TMTC4: variants seen among roughly 807,000 people sequenced by gnomAD.
TMTC4 encodes protein O-mannosyl-transferase TMTC4.
Under a neutral mutation model 86.0 loss-of-function variants are expected in TMTC4, and 65 were observed. The observed-to-expected ratio is 0.76, with a 90% CI of 0.62 to 0.93. The LOEUF is 0.93. Among genes scored for constraint, TMTC4 ranks in the 40% least tolerant of loss-of-function variants. The pLI is 0.00. For synonymous variants in TMTC4, 379 were observed against 382.5 expected, an observed-to-expected ratio of 0.99 and a Z score of 0.11; for missense variants, 866 against 948.1, an observed-to-expected ratio of 0.91 and a Z score of 1.14.
At chr13:100,612,337 T>G in intron 17 of TMTC4, 61 bp downstream of exon 17, 1 of 1,290,434 alleles carries the variant, frequency 7.7e-7, no homozygotes, top group Non-Finnish European at 1.1e-6. Context: ...GAAGTAACAC[T>G]TACGTCTTCT....
intron 5 of TMTC4, among the ~76,000 whole-genome samples, chr13:100,659,098 C>A (rs1452441480): frequency 1.3e-5 from 2 of 152,144 alleles, no homozygotes; most frequent in East Asian, 3.9e-4. Context: ...GAAATCACTG[C>A]AATCCCTCTG....
In TMTC4 at chr13:100,614,311, T is replaced by G; in HGVS notation, c.1951+5A>C. 6.2e-7 allele frequency: 1 copy of G among 1,608,906 alleles called. No individual in the cohort carries two copies. The highest frequency in any genetic ancestry group is 8.5e-7 in the Non-Finnish European group (1 of 1,175,946). On this transcript the variant is annotated splice_donor_5th_base_variant and intron_variant, in intron 16 of 18. Transcript: ENST00000342624. The stretch of plus-strand genomic sequence containing the variant: ...CTGTGATTTGTTCCATCCAGCTTTC[T>G]GTACCTGTATTGTCGAGGAGTATAA...
rs761730151 is a variant in TMTC4, at chr13:100,668,674, T to A, written c.124A>T (p.Lys42Ter). 1.2e-6 allele frequency: 2 copies of A among 1,614,204 alleles called. No individual in the cohort carries two copies. The highest frequency in any genetic ancestry group is 4.5e-5 in the East Asian group (2 of 44,886). ...ATGGCAACCGATCCCACTACTAACT[T>A]AGCCCAGAATGGAGGAAGAACAGAA... ...PSSVLPPFWA[K>*]LVVGSVAIVC... The change falls in exon 3 of 19, where the codon AAG (lysine) becomes TAG (stop). Residue 42 changes from lysine (K) to a stop codon, truncating the protein, a stop_gained. Coordinates refer to ENST00000342624, the MANE Select transcript of TMTC4 (RefSeq NM_032813.5). LOFTEE classifies it high-confidence loss of function.
At chr13:100,613,098 C>T (rs559313647) in intron 16 of TMTC4, among the ~76,000 whole-genome samples, 1 of 152,252 alleles carries the variant, frequency 6.6e-6, no homozygotes, top group Non-Finnish European at 1.5e-5. Context: ...CATTTCTTTA[C>T]GTTAGGAACA....
intron 6 of TMTC4, among the ~76,000 whole-genome samples, chr13:100,655,095 C>T (rs893002299): frequency 6.8e-6 from 1 of 147,898 alleles, no homozygotes; most frequent in Admixed American, 6.9e-5. Context: ...AATCTCGGCT[C>T]ACTGCAGCCT....
chr13:100,614,987 A>T, intron 15 of TMTC4: 2 of 978,916 alleles, frequency 2.0e-6, no homozygotes, highest in Non-Finnish European at 2.4e-6. Flanking sequence ...ATATAAAAAC[A>T]GGAGCATATC....
chr13:100,673,580 C>A (rs985608456), intron 1 of TMTC4, among the ~76,000 whole-genome samples: 1 of 152,160 alleles, frequency 6.6e-6, no homozygotes, highest in Non-Finnish European at 1.5e-5. Flanking sequence ...GGGGCGCGAG[C>A]CACCACCACC....
intron 18 of TMTC4, 145 bp downstream of exon 18, chr13:100,606,213 T>C (rs1316021188): frequency 1.4e-6 from 1 of 739,726 alleles, no homozygotes; most frequent in Non-Finnish European, 2.3e-6. Flanking sequence ...CACTTTGCTA[T>C]CTTTTTAATG....
chr13:100,607,642 T>C (rs1286909020), intron 17 of TMTC4, among the ~76,000 whole-genome samples: 1 of 149,918 alleles, frequency 6.7e-6, no homozygotes, highest in Non-Finnish European at 1.5e-5. Context: ...TTCCCATATC[T>C]GTGACTGTGC....
intron 3 of TMTC4, among the ~76,000 whole-genome samples, chr13:100,667,020 A>G (rs1192706700): frequency 6.6e-6 from 1 of 152,174 alleles, no homozygotes; most frequent in African/African-American, 2.4e-5. Context: ...AGTTTGACAT[A>G]AAAGGTCTGT....
At chr13:100,632,053 A>ACACACACACACACACACACTCTCTCT (rs1296569630) in intron 12 of TMTC4, among the ~76,000 whole-genome samples, 8 of 43,150 alleles carry the variant, frequency 1.9e-4, no homozygotes, top group African/African-American at 6.8e-4. Context: ...ACACACACAC[A>ACACACACACACACACACACTCTCTCT]CTCTCTCTCT....
intron 2 of TMTC4, chr13:100,670,157 T>C (rs900656766): frequency 2.8e-5 from 15 of 534,626 alleles, no homozygotes; most frequent in Admixed American, 4.0e-5. Flanking sequence ...CCTGTTCTTT[T>C]CCTGCTGAGA....
chr13:100,673,743 C>T (rs187207377), intron 1 of TMTC4, among the ~76,000 whole-genome samples: 153 of 152,320 alleles, frequency 1.0e-3, no homozygotes, highest in Non-Finnish European at 1.7e-3. Context: ...GTTCCACTGT[C>T]CCAGAAAGTT....
chr13:100,620,172 TG>T, intron 15 of TMTC4, among the ~76,000 whole-genome samples: 1 of 152,356 alleles, frequency 6.6e-6, no homozygotes, highest in East Asian at 1.9e-4. Flanking sequence ...TTCTGTACTC[TG>T]CTCTGAGAAG....
intron 15 of TMTC4, among the ~76,000 whole-genome samples, chr13:100,619,588 G>T (rs1352428439): frequency 3.3e-5 from 5 of 152,148 alleles, no homozygotes; most frequent in Non-Finnish European, 7.3e-5. Context: ...ACAGCAAATA[G>T]ATAGCATATT....
intron 3 of TMTC4, 188 bp downstream of exon 3, chr13:100,668,391 G>T: frequency 1.6e-6 from 1 of 620,026 alleles, no homozygotes; most frequent in Non-Finnish European, 2.8e-6. Flanking sequence ...CAGAACCTTG[G>T]TGCCAGCAAT....
chr13:100,643,400 G>A (rs1362438952), intron 6 of TMTC4, among the ~76,000 whole-genome samples: 1 of 152,140 alleles, frequency 6.6e-6, no homozygotes, highest in African/African-American at 2.4e-5. Flanking sequence ...TGACTTTCAC[G>A]GTCTCAAGGA....
At position 100,635,017 on chromosome 13, in the gene TMTC4, T is replaced by C. The variant is rs561213909; in HGVS notation, c.1374+7A>G. ...GTTCATCAGCTGGCACCACTCTCAG[T>C]TGATACCTTTTTCTTGGTATGTTTG... On this transcript the variant is annotated splice_region_variant and intron_variant, in intron 11 of 18. Coordinates refer to ENST00000342624, the MANE Select transcript of TMTC4 (RefSeq NM_032813.5). 42 of 1,610,960 alleles carry C rather than the reference T, an allele frequency of 2.6e-5. No individual in the cohort carries two copies. The highest frequency in any genetic ancestry group is 3.1e-5 in the Non-Finnish European group (36 of 1,178,092).
At chr13:100,674,382 C>G in intron 1 of TMTC4, 1 of 966,844 alleles carries the variant, frequency 1.0e-6, no homozygotes, top group Non-Finnish European at 1.2e-6. Context: ...GGACGCGCCG[C>G]AGGCGCCGGG....
Sources: gnomAD v4.1 joint callset for allele counts (sites outside exome capture counted in the v4.1 genomes callset) on GRCh38, gnomAD v4.1.1 for gene constraint, MANE v1.5 for transcripts, NCBI Gene and HGNC (gene_info 2026-07-23, HGNC 2026-07-21) for gene names.